BTBD10: variants seen among roughly 807,000 people sequenced by gnomAD.
BTBD10 encodes the protein BTB domain containing 10.
BTBD10 carries 21 observed loss-of-function variants against 53.2 expected under a neutral mutation model. The observed-to-expected ratio is 0.39, with a 90% confidence interval of 0.28 to 0.57. The LOEUF (loss-of-function observed/expected upper bound fraction) is 0.57. Ranked by LOEUF, BTBD10 falls within the 20% of genes least tolerant of loss-of-function variation. The pLI is 0.53. For synonymous variants in BTBD10, 149 were observed against 192.7 expected (o/e 0.77, Z 1.88); for missense variants, 360 against 594.7 (o/e 0.61, Z 4.10).
At chr11:13,392,525 G>C (rs943988711) in intron 8 of BTBD10, among the ~76,000 whole-genome samples, 1 of 151,990 alleles carries the variant, frequency 6.6e-6, no homozygotes, top group Non-Finnish European at 1.5e-5. Context: ...CTTTAATAAA[G>C]AGTAAATTAT....
intron 5 of BTBD10, among the ~76,000 whole-genome samples, chr11:13,416,292 T>C (rs1283701567): frequency 6.6e-6 from 1 of 151,926 alleles, no homozygotes; most frequent in Non-Finnish European, 1.5e-5. Flanking sequence ...AGGTCAAGGC[T>C]GCAGTTAGCC....
In BTBD10 at chr11:13,439,928, A is replaced by G. The variant is rs751814428; in HGVS notation, c.101+5096T>C. 8.5e-6 allele frequency: 13 copies of G among 1,534,590 alleles called. No homozygotes were observed. The South Asian group carries it at 1.5e-4, about 18-fold the overall frequency. On this transcript the variant is annotated intron_variant, in intron 2 of 8. Coordinates refer to ENST00000278174, the MANE Select transcript of BTBD10 (RefSeq NM_032320.7). ...AGGTAGACACACAAAAACAAGAAAA[A>G]AATTTTGAAATCAGAGTATAAAGGG...
intron 1 of BTBD10, among the ~76,000 whole-genome samples, chr11:13,452,721 T>C (rs1247361479): frequency 1.3e-5 from 2 of 152,172 alleles, no homozygotes; most frequent in African/African-American, 4.8e-5. Flanking sequence ...AAAACCTGTA[T>C]AACTGTGTAA....
At position 13,388,837 on chromosome 11, in the gene BTBD10, C is replaced by G. The variant is rs1166553631; in HGVS notation, c.1422G>C (p.Met474Ile). The G allele has an allele frequency of 6.2e-7, 1 of 1,610,936 alleles. No individual in the cohort carries two copies. The highest frequency in any genetic ancestry group is 2.2e-5 in the East Asian group (1 of 44,826). The change falls in exon 9 of 9, where the codon ATG (methionine) becomes ATC (isoleucine). Residue 474 changes from methionine to isoleucine, a missense_variant. Coordinates refer to ENST00000278174, the MANE Select transcript of BTBD10 (RefSeq NM_032320.7). ...SDLDPDAQNP[M>I]L ...GTTTCAAGGAAGATCAGCATCACAG[C>G]ATTGGATTCTGTGCATCAGGATCGA...
intron 8 of BTBD10, among the ~76,000 whole-genome samples, chr11:13,391,907 G>A (rs756370060): frequency 3.3e-5 from 5 of 152,212 alleles, no homozygotes; most frequent in South Asian, 2.1e-4. Flanking sequence ...TTGCGCCACC[G>A]CATTCCAGCC....
intron 2 of BTBD10, chr11:13,440,096 C>T (rs890696708): frequency 1.7e-5 from 26 of 1,520,098 alleles, no homozygotes; most frequent in African/African-American, 2.8e-5. Flanking sequence ...CCCCCTACCT[C>T]ACCTGTCCAT....
rs187375425 is a variant in BTBD10, at chr11:13,434,828, T to C, written c.101+10196A>G. Among the ~76,000 whole-genome samples the C allele has an allele frequency of 6.3e-4, 96 of 152,346 alleles. 2 individuals are homozygous for C. Among genetic ancestry groups the C allele is most frequent in the African/African-American group, 2.2e-3 (90 of 41,578 alleles). ...TTACGTGGTAGAGTGGACTAGACTA[T>C]ATATTTTGAAGAATATGCCTCTGAA... On this transcript the variant is annotated intron_variant, in intron 2 of 8. Coordinates refer to ENST00000278174, the MANE Select transcript of BTBD10 (RefSeq NM_032320.7).
At chr11:13,437,568 C>A (rs1263293207) in intron 2 of BTBD10, among the ~76,000 whole-genome samples, 1 of 152,098 alleles carries the variant, frequency 6.6e-6, no homozygotes, top group African/African-American at 2.4e-5. Flanking sequence ...TGGTAGCTAA[C>A]TTATTGTTCC....
chr11:13,421,903 A>G, intron 2 of BTBD10, 65 bp from the exon 3 acceptor site: 1 of 1,339,286 alleles, frequency 7.5e-7, no homozygotes, highest in Non-Finnish European at 1.0e-6. Context: ...ATTTTAAAAG[A>G]AACACCCAAG....
intron 2 of BTBD10, chr11:13,439,940 C>A: frequency 6.5e-7 from 1 of 1,534,644 alleles, no homozygotes; most frequent in Non-Finnish European, 8.7e-7. Context: ...ATTTTGAAAT[C>A]AGAGTATAAA....
intron 8 of BTBD10, among the ~76,000 whole-genome samples, chr11:13,400,814 G>C (rs1487957965): frequency 6.6e-6 from 1 of 152,146 alleles, no homozygotes; most frequent in East Asian, 1.9e-4. Flanking sequence ...ACACACCAAG[G>C]AAATAATAGG....
chr11:13,412,735 T>C (rs183447675), intron 6 of BTBD10, among the ~76,000 whole-genome samples: 7 of 152,332 alleles, frequency 4.6e-5, no homozygotes, highest in African/African-American at 1.7e-4. Context: ...GTATTTCCAC[T>C]GAACTCTTCC....
chr11:13,413,487 T>C lies in BTBD10; in HGVS notation c.808+43A>G, dbSNP rs1404879860. 4.5e-6 allele frequency: 7 copies of C among 1,555,482 alleles called. No homozygotes were observed. The South Asian group carries it at 8.5e-5, about 19-fold the overall frequency. On this transcript the variant is annotated intron_variant, in intron 6 of 8. Transcript: ENST00000278174. ...ATTTCAGGCTTTTTGTTCCAATATA[T>C]TCTAATTCTACAAACCACTTACACA...
At chr11:13,423,261 G>A (rs1160791637) in intron 2 of BTBD10, among the ~76,000 whole-genome samples, 1 of 152,122 alleles carries the variant, frequency 6.6e-6, no homozygotes, top group East Asian at 1.9e-4. Context: ...AGAAACAGAA[G>A]GAAGTTCATG....
rs117074106 is a variant in BTBD10 at position 13,389,575 on chromosome 11, G to A, written c.1118-434C>T. Among the ~76,000 whole-genome samples, 496 of 152,188 alleles carry A rather than the reference G, an allele frequency of 3.3e-3. 19 individuals are homozygous for A. The East Asian group carries it at 0.079, about 24-fold the overall frequency. On this transcript the variant is annotated intron_variant, in intron 8 of 8. Coordinates refer to ENST00000278174, the MANE Select transcript of BTBD10 (RefSeq NM_032320.7). ...CCAGAGTAGCGCGGATTACAGGCAT[G>A]TGCCACCATGCCCGGCTAATTTTTG...
At chr11:13,413,826 A>G (rs1950023880) in intron 5 of BTBD10, among the ~76,000 whole-genome samples, 176 bp from the exon 6 acceptor site, 2 of 152,152 alleles carry the variant, frequency 1.3e-5, no homozygotes, top group Non-Finnish European at 2.9e-5. Context: ...TTTTCATTTT[A>G]CCTATAAGGA....
At chr11:13,449,043 G>C (rs1202246901) in intron 1 of BTBD10, among the ~76,000 whole-genome samples, 3 of 152,124 alleles carry the variant, frequency 2.0e-5, no homozygotes, top group Non-Finnish European at 4.4e-5. Context: ...GCATTCAGGA[G>C]ACTGCCAAAA....
Position 13,417,266 on chromosome 11 carries a change from A to G in BTBD10, c.585-6T>C. On this transcript the variant is annotated splice_polypyrimidine_tract_variant and splice_region_variant and intron_variant, in intron 4 of 8. Coordinates refer to ENST00000278174, the MANE Select transcript of BTBD10 (RefSeq NM_032320.7). ...CTCGGCCAGATCCAAACATCCTATG[A>G]TAGTAAATAATTGAGAAATACGTCA... 6.3e-7 allele frequency: 1 copy of G among 1,588,992 alleles called. No homozygotes were observed. The highest frequency in any genetic ancestry group is 8.6e-7 in the Non-Finnish European group (1 of 1,163,004).
chr11:13,429,057 A>G (rs1416253225), intron 2 of BTBD10, among the ~76,000 whole-genome samples: 1 of 152,216 alleles, frequency 6.6e-6, no homozygotes, highest in African/African-American at 2.4e-5. Flanking sequence ...ATATGACAAA[A>G]GATGTGAAAA....
Sources: gnomAD v4.1 joint callset for allele counts (sites outside exome capture counted in the v4.1 genomes callset) on GRCh38, gnomAD v4.1.1 for gene constraint, MANE v1.5 for transcripts, NCBI Gene and HGNC (gene_info 2026-07-23, HGNC 2026-07-21) for gene names.